The following CNTNAP2 variants were observed in gnomAD, a reference collection of about 807,000 sequenced individuals.
The protein encoded by CNTNAP2 is contactin-associated protein-like 2.
Under a neutral mutation model 155.2 loss-of-function variants are expected in CNTNAP2, and 98 were observed. The observed-to-expected ratio is 0.63, with a 90% CI of 0.54 to 0.75. The LOEUF (loss-of-function observed/expected upper bound fraction) is 0.75. Among genes scored for constraint, CNTNAP2 ranks in the 30% least tolerant of loss-of-function variants. CNTNAP2 has a pLI of 0.00. For synonymous variants in CNTNAP2, 651 were observed against 631.2 expected, an observed-to-expected ratio of 1.03 and a Z score of -0.47; for missense variants, 1,727 against 1,688.1, an observed-to-expected ratio of 1.02 and a Z score of -0.40.
intron 8 of CNTNAP2, among the ~76,000 whole-genome samples, chr7:147,268,096 A>G (rs985024741): frequency 1.3e-5 from 2 of 152,238 alleles, no homozygotes; most frequent in Admixed American, 6.5e-5. Flanking sequence ...AGGTAAATAT[A>G]TAAGCATTAC....
intron 22 of CNTNAP2, among the ~76,000 whole-genome samples, chr7:148,394,143 A>G (rs1395809324): frequency 6.6e-6 from 1 of 151,606 alleles, no homozygotes; most frequent in Non-Finnish European, 1.5e-5. Flanking sequence ...CATGTTTTTT[A>G]TAATAATTTT....
chr7:147,110,673 G>C (rs1800857152), intron 5 of CNTNAP2, among the ~76,000 whole-genome samples: 1 of 152,110 alleles, frequency 6.6e-6, no homozygotes, highest in Admixed American at 6.6e-5. Context: ...ATAGCCTCCA[G>C]CTCCATCCAT....
At chr7:146,396,522 A>C (rs1315956083) in intron 1 of CNTNAP2, among the ~76,000 whole-genome samples, 1 of 152,106 alleles carries the variant, frequency 6.6e-6, no homozygotes, top group South Asian at 2.1e-4. Flanking sequence ...TGATTTGGCA[A>C]TTATTAAAAA....
intron 8 of CNTNAP2, among the ~76,000 whole-genome samples, chr7:147,186,938 C>G (rs1802578834): frequency 1.0e-5 from 1 of 95,670 alleles, no homozygotes; most frequent in Non-Finnish European, 2.9e-5. Flanking sequence ...ACTTGTTAAA[C>G]TGAAGGTTGC....
chr7:147,964,676 C>T (rs1469769828), intron 14 of CNTNAP2, among the ~76,000 whole-genome samples: 1 of 152,120 alleles, frequency 6.6e-6, no homozygotes, highest in African/African-American at 2.4e-5. Flanking sequence ...CCTTTTGAGG[C>T]ATTTTCTCTC....
At chr7:147,478,482 A>G (rs1327606950) in intron 10 of CNTNAP2, among the ~76,000 whole-genome samples, 2 of 152,186 alleles carry the variant, frequency 1.3e-5, no homozygotes, top group Non-Finnish European at 2.9e-5. Flanking sequence ...GACCCAAAAT[A>G]ACAGTGGCTT....
At chr7:147,798,584 A>G (rs1040463018) in intron 13 of CNTNAP2, among the ~76,000 whole-genome samples, 4 of 152,148 alleles carry the variant, frequency 2.6e-5, no homozygotes, top group African/African-American at 9.7e-5. Flanking sequence ...CATTCAGAGG[A>G]AAAACAGAAA....
intron 9 of CNTNAP2, among the ~76,000 whole-genome samples, chr7:147,345,522 G>C (rs143932980): frequency 6.6e-6 from 1 of 152,250 alleles, no homozygotes; most frequent in East Asian, 1.9e-4. Context: ...TGAAGTGAAT[G>C]TTAAGTTTAT....
chr7:146,810,233 T>A (rs1033037153), intron 2 of CNTNAP2, among the ~76,000 whole-genome samples: 1 of 152,070 alleles, frequency 6.6e-6, no homozygotes, highest in Non-Finnish European at 1.5e-5. Context: ...GCCAGTACCA[T>A]GCTCTTTTGA....
intron 8 of CNTNAP2, among the ~76,000 whole-genome samples, chr7:147,265,034 G>C (rs778343057): frequency 6.6e-6 from 1 of 152,006 alleles, no homozygotes; most frequent in Non-Finnish European, 1.5e-5. Flanking sequence ...CCATCTCTTA[G>C]GCACCTGAGA....
At chr7:148,035,361 A>G (rs1389115982) in intron 15 of CNTNAP2, among the ~76,000 whole-genome samples, 1 of 152,118 alleles carries the variant, frequency 6.6e-6, no homozygotes, top group Non-Finnish European at 1.5e-5. Flanking sequence ...GGAGGGCAGA[A>G]TGGTTTCAGA....
In CNTNAP2 at chr7:146,222,541, A is replaced by AGTGTGT. The variant is rs10616515; in HGVS notation, c.97+105598_97+105603dup. ...AGTTAGTTTGGTATGACTAAAGCAT[A>AGTGTGT]GTGTGTGTGTGTGTGTGTGTGTGTG... On this transcript the variant is annotated intron_variant, in intron 1 of 23. Transcript: ENST00000361727. Among the ~76,000 whole-genome samples, 1,302 of 147,366 alleles carry AGTGTGT rather than the reference A, an allele frequency of 8.8e-3. 13 individuals are homozygous for AGTGTGT. Among genetic ancestry groups the AGTGTGT allele is most frequent in the African/African-American group, 0.03 (1,201 of 39,866 alleles).
chr7:147,229,843 G>A (rs1363996687), intron 8 of CNTNAP2, among the ~76,000 whole-genome samples: 2 of 152,084 alleles, frequency 1.3e-5, no homozygotes, highest in African/African-American at 4.8e-5. Context: ...ATTCAGATTT[G>A]AAAGAAAATA....
intron 1 of CNTNAP2, among the ~76,000 whole-genome samples, chr7:146,655,075 C>T (rs1293282805): frequency 6.6e-6 from 1 of 151,964 alleles, no homozygotes; most frequent in East Asian, 1.9e-4. Context: ...CTAGTTTATA[C>T]TAAGTATATT....
intron 1 of CNTNAP2, among the ~76,000 whole-genome samples, chr7:146,338,350 T>C (rs1801314909): frequency 6.6e-6 from 1 of 152,170 alleles, no homozygotes; most frequent in Non-Finnish European, 1.5e-5. Flanking sequence ...TGTGAGCATT[T>C]AACTACTGTA....
At chr7:147,256,301 A>G (rs1804325236) in intron 8 of CNTNAP2, among the ~76,000 whole-genome samples, 1 of 152,152 alleles carries the variant, frequency 6.6e-6, no homozygotes, top group Non-Finnish European at 1.5e-5. Flanking sequence ...AGAAAGATGG[A>G]CACTGTCTTT....
intron 15 of CNTNAP2, among the ~76,000 whole-genome samples, chr7:148,092,903 C>T (rs575554144): frequency 6.9e-6 from 1 of 144,970 alleles, no homozygotes; most frequent in South Asian, 2.2e-4. Context: ...AAAAAAACAA[C>T]CACAAAGCTT....
intron 1 of CNTNAP2, among the ~76,000 whole-genome samples, chr7:146,760,631 C>T (rs953438699): frequency 2.6e-5 from 4 of 151,474 alleles, no homozygotes; most frequent in African/African-American, 7.3e-5. Context: ...CACCATGATG[C>T]CCAGGCTGGT....
At chr7:146,914,320 A>G (rs986372141) in intron 3 of CNTNAP2, among the ~76,000 whole-genome samples, 1 of 151,960 alleles carries the variant, frequency 6.6e-6, no homozygotes, top group Non-Finnish European at 1.5e-5. Flanking sequence ...CCAGGGCACG[A>G]TTACTGGATC....
Sources: allele counts gnomAD v4.1 joint callset (sites outside exome capture counted in the v4.1 genomes callset), GRCh38; gene constraint gnomAD v4.1.1; transcripts MANE v1.5; gene names NCBI Gene and HGNC (gene_info 2026-07-23, HGNC 2026-07-21).